Variants in DACH2 observed in about 807,000 individuals in gnomAD.
DACH2 encodes dachshund homolog 2.
Under a neutral mutation model 35.8 loss-of-function variants are expected in DACH2, and 17 were observed. The observed-to-expected ratio is 0.48, with a 90% CI of 0.33 to 0.71. DACH2 has a LOEUF of 0.71. Ranked by LOEUF, DACH2 falls within the 30% of genes least tolerant of loss-of-function variation. The probability of loss-of-function intolerance (pLI) is 0.02; values close to 1 mark genes in which losing one functional copy is unlikely to be tolerated. For missense variants in DACH2, 469 were observed against 472.7 expected, an observed-to-expected ratio of 0.99 and a Z score of 0.07; for synonymous variants, 195 against 177.3, an observed-to-expected ratio of 1.10 and a Z score of -0.79.
At chrX:86,570,661 G>A (rs5968945) in intron 3 of DACH2, among the ~76,000 whole-genome samples, 1 of 108,916 alleles carries the variant, frequency 9.2e-6, no homozygotes, top group African/African-American at 3.4e-5. Context: ...GGGTTGACAG[G>A]TTCAGCAAAC....
At chrX:86,437,691 C>T (rs372093970) in intron 2 of DACH2, among the ~76,000 whole-genome samples, 2 of 111,208 alleles carry the variant, frequency 1.8e-5, no homozygotes, top group African/African-American at 6.5e-5. Flanking sequence ...CATTGATAGA[C>T]AGGTCAATTC....
At chrX:86,719,849 C>G (rs746022857) in intron 6 of DACH2, among the ~76,000 whole-genome samples, 1 of 110,176 alleles carries the variant, frequency 9.1e-6, no homozygotes, top group African/African-American at 3.3e-5. Context: ...TCACCACTGC[C>G]CCTCCAAAAT....
intron 7 of DACH2, among the ~76,000 whole-genome samples, chrX:86,753,055 T>TAC (rs752782082): frequency 1.8e-3 from 77 of 42,002 alleles, no homozygotes; most frequent in African/African-American, 5.0e-3. Context: ...TTATTAAAAG[T>TAC]ACACACACAC....
chrX:86,715,261 T>C (rs1055204339), intron 6 of DACH2, among the ~76,000 whole-genome samples: 4 of 111,535 alleles, frequency 3.6e-5, no homozygotes, highest in African/African-American at 1.3e-4. Context: ...CTGGAGATAA[T>C]ATGAGTAAAA....
chrX:86,513,286 C>T (rs1016461295), intron 2 of DACH2, among the ~76,000 whole-genome samples: 2 of 111,767 alleles, frequency 1.8e-5, no homozygotes, highest in Non-Finnish European at 3.8e-5. Flanking sequence ...TGTCAAAACT[C>T]ATATCATTCA....
intron 11 of DACH2, chrX:86,829,168 G>T (rs1452315369): frequency 8.9e-6 from 1 of 111,961 alleles, no homozygotes; most frequent in African/African-American, 3.2e-5. Flanking sequence ...TTTGGATTCT[G>T]GTATTCTTCA....
At chrX:86,384,541 T>A (rs988129587) in intron 2 of DACH2, among the ~76,000 whole-genome samples, 6 of 112,276 alleles carry the variant, frequency 5.3e-5, no homozygotes, top group Non-Finnish European at 1.1e-4. Context: ...TTGATAACAC[T>A]GAGTTTTCAA....
At chrX:86,737,208 T>C (rs1334553691) in intron 6 of DACH2, among the ~76,000 whole-genome samples, 3 of 111,342 alleles carry the variant, frequency 2.7e-5, no homozygotes, top group African/African-American at 6.5e-5. Context: ...ATAGAATTAT[T>C]GGGGGAAAAA....
chrX:86,809,557 A>G (rs1419071843), intron 7 of DACH2, among the ~76,000 whole-genome samples: 1 of 112,024 alleles, frequency 8.9e-6, no homozygotes, highest in African/African-American at 3.2e-5. Flanking sequence ...TCTTGCATAC[A>G]CTAAAACATA....
At chrX:86,698,514 GTTTTGTGTTTTTT>G (rs1218795731) in intron 5 of DACH2, among the ~76,000 whole-genome samples, 6 of 34,343 alleles carry the variant, frequency 1.7e-4, no homozygotes, top group African/African-American at 7.4e-4. Flanking sequence ...TGTTTTGTTA[GTTTTGTGTTTTTT>G]TTTTTTTTTT....
chrX:86,679,622 G>C (rs888349185), intron 4 of DACH2, among the ~76,000 whole-genome samples: 948 of 52,996 alleles, frequency 0.018, 12 homozygotes, highest in African/African-American at 0.061. Context: ...GTCTCTGTGT[G>C]TGTGTGTGTG....
intron 2 of DACH2, among the ~76,000 whole-genome samples, chrX:86,502,011 T>TTCTTTCCTTCC (rs1569422509): frequency 1.0e-5 from 1 of 95,532 alleles, no homozygotes; most frequent in Non-Finnish European, 2.1e-5. Context: ...TCTTTCCTTC[T>TTCTTTCCTTCC]TTCCTTCCTT....
intron 9 of DACH2, among the ~76,000 whole-genome samples, chrX:86,813,845 G>C (rs1054383916): frequency 1.8e-5 from 2 of 110,346 alleles, no homozygotes; most frequent in Non-Finnish European, 3.8e-5. Flanking sequence ...AAGGACTCAG[G>C]TTCTTCATCT....
chrX:86,188,580 A>C (rs2031744310), intron 1 of DACH2, among the ~76,000 whole-genome samples: 1 of 111,908 alleles, frequency 8.9e-6, no homozygotes, highest in African/African-American at 3.2e-5. Flanking sequence ...TTTAATATGA[A>C]AGATTATCTC....
chrX:86,809,492 G>A (rs775721940), intron 7 of DACH2, among the ~76,000 whole-genome samples: 1 of 100,192 alleles, frequency 1.0e-5, no homozygotes, highest in African/African-American at 3.5e-5. Flanking sequence ...ATTCATTTTT[G>A]TAGCAAACGA....
At chrX:86,583,279 G>A (rs976344250) in intron 3 of DACH2, among the ~76,000 whole-genome samples, 5 of 110,602 alleles carry the variant, frequency 4.5e-5, no homozygotes, top group Non-Finnish European at 7.6e-5. Context: ...AAAACTGGAA[G>A]CATTTCGTTT....
rs1472064988 is a variant in DACH2 at position 86,593,394 on chromosome X, TA to T, written c.641-57641del. ...TCATGATGTAATTCTTTCATATATA[TA>T]TTTTTTTATTTTATTTTATTTTATT... On this transcript the variant is annotated intron_variant, in intron 3 of 11. Transcript: ENST00000373125. Among the ~76,000 whole-genome samples, 11 of 99,111 alleles carry T rather than the reference TA, an allele frequency of 1.1e-4. No homozygotes were observed. In the South Asian group the frequency reaches 1.8e-3, roughly 16 times the overall value. 86.1% of individuals were successfully genotyped at this position (99,111 alleles called of 115,157 possible).
rs150777372 is a variant in DACH2, at chrX:86,701,492, T to A, written c.931+6313T>A. On this transcript the variant is annotated intron_variant, in intron 5 of 11. Transcript: ENST00000373125. The stretch of plus-strand genomic sequence containing the variant: ...ATCTCACCACTCTTATTCAACATAG[T>A]ACTGGAAGTCCTGGCCAGAGCAATC... 1.3e-4 allele frequency among the ~76,000 whole-genome samples: 14 copies of A among 111,596 alleles called. No individual in the cohort carries two copies. The East Asian group carries it at 2.3e-3, about 18-fold the overall frequency.
At chrX:86,212,239 A>G (rs767996801) in intron 1 of DACH2, among the ~76,000 whole-genome samples, 18 of 111,944 alleles carry the variant, frequency 1.6e-4, no homozygotes, top group African/African-American at 4.8e-4. Context: ...AAATTATTAT[A>G]CAATCCAGAA....
Sources: allele counts gnomAD v4.1 joint callset (sites outside exome capture counted in the v4.1 genomes callset), GRCh38; gene constraint gnomAD v4.1.1; transcripts MANE v1.5; gene names NCBI Gene and HGNC (gene_info 2026-07-23, HGNC 2026-07-21).